DOK5: variants seen among roughly 807,000 people sequenced by gnomAD.
The protein encoded by DOK5 is downstream of tyrosine kinase 5.
DOK5 carries 27 observed loss-of-function variants against 43.3 expected under a neutral mutation model. The ratio of observed to expected loss-of-function variants is 0.62; its 90% CI spans 0.46 to 0.86. The LOEUF is 0.86. DOK5 is among the 40% of genes least tolerant of loss of function. The pLI is 0.00. For synonymous variants in DOK5, 146 were observed against 140.1 expected, an observed-to-expected ratio of 1.04 and a Z score of -0.30; for missense variants, 373 against 392.9, an observed-to-expected ratio of 0.95 and a Z score of 0.43.
At chr20:54,502,571 C>T (rs1015068219) in intron 1 of DOK5, among the ~76,000 whole-genome samples, 4 of 152,156 alleles carry the variant, frequency 2.6e-5, no homozygotes, top group Non-Finnish European at 2.9e-5. Flanking sequence ...TTTATAGTTT[C>T]TTCTCTTTCA....
At chr20:54,518,748 A>G (rs575644588) in intron 1 of DOK5, among the ~76,000 whole-genome samples, 4 of 152,226 alleles carry the variant, frequency 2.6e-5, no homozygotes, top group Non-Finnish European at 5.9e-5. Flanking sequence ...CCAACAAACT[A>G]CCATCAGAGT....
At chr20:54,588,438 C>T in intron 2 of DOK5, 45 bp from the exon 3 acceptor site, 1 of 1,520,866 alleles carries the variant, frequency 6.6e-7, no homozygotes, top group South Asian at 1.1e-5. Context: ...ATACTGGAGA[C>T]ATTCATTCAG....
At chr20:54,507,114 AGT>A (rs1982837834) in intron 1 of DOK5, among the ~76,000 whole-genome samples, 1 of 152,224 alleles carries the variant, frequency 6.6e-6, no homozygotes. Context: ...ATATTTTTTG[AGT>A]ACTTATTACC....
intron 1 of DOK5, among the ~76,000 whole-genome samples, chr20:54,534,965 C>T (rs1983909526): frequency 6.6e-6 from 1 of 152,234 alleles, no homozygotes; most frequent in African/African-American, 2.4e-5. Context: ...TCCCGAGTAG[C>T]TGGGATTACA....
rs951662372 is a variant in DOK5, at chr20:54,635,270, C to T, written c.736-8188C>T. ...TTTGACATATTTTGAAATGACCCTG[C>T]AAAGCTGTCTCTTGTGGGGAAAATC... On this transcript the variant is annotated intron_variant, in intron 6 of 7. Transcript: ENST00000262593. 5.3e-5 allele frequency among the ~76,000 whole-genome samples: 8 copies of T among 152,306 alleles called. 1 individual carries two copies. Among genetic ancestry groups the T allele is most frequent in the Admixed American group, 5.2e-4 (8 of 15,298 alleles).
intron 2 of DOK5, among the ~76,000 whole-genome samples, chr20:54,563,874 G>C (rs1277659247): frequency 6.6e-6 from 1 of 151,980 alleles, no homozygotes; most frequent in Non-Finnish European, 1.5e-5. Context: ...TGGCCTGAAA[G>C]CTGCCTTTAA....
At chr20:54,497,707 A>C (rs35269605) in intron 1 of DOK5, among the ~76,000 whole-genome samples, 13,357 of 152,280 alleles carry the variant, frequency 0.088, 642 homozygotes, top group Middle Eastern at 0.13. Flanking sequence ...AAAATGAAGA[A>C]AGGAAAGACT....
At chr20:54,517,369 A>T (rs772613232) in intron 1 of DOK5, among the ~76,000 whole-genome samples, 7 of 152,188 alleles carry the variant, frequency 4.6e-5, no homozygotes, top group Non-Finnish European at 1.0e-4. Context: ...ATCATGATGT[A>T]GGCAACATGG....
rs554033954 is a variant in DOK5 at position 54,512,222 on chromosome 20, C to T, written c.66+36210C>T. On this transcript the variant is annotated intron_variant, in intron 1 of 7. Coordinates refer to ENST00000262593, the MANE Select transcript of DOK5 (RefSeq NM_018431.5). ...TTCCTATTTCCTGAAAGTTTTCTTT[C>T]TGCAAAATATACCTATTCAGAGAAT... Among the ~76,000 whole-genome samples the T allele has an allele frequency of 3.3e-5, 5 of 152,254 alleles. No individual in the cohort carries two copies. The South Asian group carries it at 1.0e-3, about 32-fold the overall frequency.
intron 2 of DOK5, among the ~76,000 whole-genome samples, chr20:54,574,645 C>A (rs1274329324): frequency 6.6e-6 from 1 of 152,052 alleles, no homozygotes; most frequent in Non-Finnish European, 1.5e-5. Context: ...TGGATCTCTG[C>A]AGATTATATT....
chr20:54,548,062 A>T (rs536203207), intron 1 of DOK5, among the ~76,000 whole-genome samples: 1 of 152,220 alleles, frequency 6.6e-6, no homozygotes, highest in South Asian at 2.1e-4. Context: ...GCTACTAAAC[A>T]TCCTACCATG....
In DOK5 at chr20:54,566,035, C is replaced by T. The variant is rs138262075; in HGVS notation, c.174+10995C>T. Among the ~76,000 whole-genome samples, 530 of 147,506 alleles carry T rather than the reference C, an allele frequency of 3.6e-3. 2 individuals carry two copies. The highest frequency in any genetic ancestry group is 0.013 in the African/African-American group (489 of 38,956). On this transcript the variant is annotated intron_variant, in intron 2 of 7. Coordinates refer to ENST00000262593, the MANE Select transcript of DOK5 (RefSeq NM_018431.5). ...CCGTCTCAAAAAAAAAAAAAAAACC[C>T]TGAACATTTCCATCAGCAAGAGGAC... is the stretch of plus-strand genomic sequence containing the variant.
At chr20:54,588,654 G>T in intron 3 of DOK5, 33 bp from the exon 4 acceptor site, 1 of 1,614,016 alleles carries the variant, frequency 6.2e-7, no homozygotes, top group Non-Finnish European at 8.5e-7. Context: ...TGGATGCTGG[G>T]CACACAGTTT....
At chr20:54,511,283 T>C (rs1335891513) in intron 1 of DOK5, among the ~76,000 whole-genome samples, 2 of 152,206 alleles carry the variant, frequency 1.3e-5, no homozygotes, top group Admixed American at 6.5e-5. Context: ...CAGGATACCA[T>C]AGTGCCTGAT....
At chr20:54,579,260 C>T (rs1985554667) in intron 2 of DOK5, among the ~76,000 whole-genome samples, 1 of 151,844 alleles carries the variant, frequency 6.6e-6, no homozygotes, top group Non-Finnish European at 1.5e-5. Flanking sequence ...GTATCACTTG[C>T]CATGAATAGA....
At chr20:54,477,484 G>A (rs1205521366) in intron 1 of DOK5, among the ~76,000 whole-genome samples, 1 of 152,088 alleles carries the variant, frequency 6.6e-6, no homozygotes, top group African/African-American at 2.4e-5. Flanking sequence ...AGTTTCCTTG[G>A]TTTTCTTTTC....
chr20:54,555,986 A>G (rs748229723), intron 2 of DOK5, among the ~76,000 whole-genome samples: 9 of 152,198 alleles, frequency 5.9e-5, no homozygotes, highest in Non-Finnish European at 1.0e-4. Flanking sequence ...ACTTTTCGAC[A>G]CCTTATAAAG....
chr20:54,513,342 G>A (rs187327759), intron 1 of DOK5, among the ~76,000 whole-genome samples: 20 of 151,736 alleles, frequency 1.3e-4, no homozygotes, highest in South Asian at 6.2e-4. Flanking sequence ...TTCAGCCTGG[G>A]ACCCAGCTTC....
intron 6 of DOK5, among the ~76,000 whole-genome samples, chr20:54,614,801 G>A (rs138257674): frequency 3.9e-5 from 6 of 152,138 alleles, no homozygotes; most frequent in Non-Finnish European, 2.9e-5. Flanking sequence ...GTTAAACGAG[G>A]GATTGTGAAA....
Sources: allele counts gnomAD v4.1 joint callset (sites outside exome capture counted in the v4.1 genomes callset), GRCh38; gene constraint gnomAD v4.1.1; transcripts MANE v1.5; gene names NCBI Gene and HGNC (gene_info 2026-07-23, HGNC 2026-07-21).